Variants in TAFA1 observed in about 807,000 individuals in gnomAD.
TAFA1 encodes the protein chemokine-like protein TAFA-1.
TAFA1 carries 4 observed loss-of-function variants against 18.5 expected under a neutral mutation model. The ratio of observed to expected loss-of-function variants is 0.22; its 90% CI spans 0.11 to 0.49. The LOEUF is 0.49. Among genes scored for constraint, TAFA1 ranks in the 20% least tolerant of loss-of-function variants. The probability of loss-of-function intolerance (pLI) is 0.98; values close to 1 mark genes in which losing one functional copy is unlikely to be tolerated. For synonymous variants in TAFA1, 56 were observed against 55.2 expected, an observed-to-expected ratio of 1.01 and a Z score of -0.06; for missense variants, 147 against 169.0, an observed-to-expected ratio of 0.87 and a Z score of 0.72.
At chr3:68,146,225 G>T (rs1345231604) in intron 2 of TAFA1, among the ~76,000 whole-genome samples, 1 of 152,218 alleles carries the variant, frequency 6.6e-6, no homozygotes, top group Non-Finnish European at 1.5e-5. Flanking sequence ...GTGGGTCTAA[G>T]ATGGGGGACC....
intron 2 of TAFA1, among the ~76,000 whole-genome samples, chr3:68,354,856 A>G (rs1008621675): frequency 5.3e-5 from 8 of 151,966 alleles, no homozygotes; most frequent in African/African-American, 1.9e-4. Flanking sequence ...GCCCTTTTAT[A>G]AGCCAGACAT....
intron 2 of TAFA1, among the ~76,000 whole-genome samples, chr3:68,133,228 A>G (rs2065564970): frequency 6.6e-6 from 1 of 151,910 alleles, no homozygotes; most frequent in South Asian, 2.1e-4. Flanking sequence ...TGGTCTATAT[A>G]TCTCTTTTGG....
chr3:68,195,091 A>G (rs1286312691), intron 2 of TAFA1, among the ~76,000 whole-genome samples: 1 of 151,554 alleles, frequency 6.6e-6, no homozygotes. Flanking sequence ...GGCTGAATGT[A>G]TGCTTGAAGA....
At chr3:68,110,967 C>G (rs748375610) in intron 2 of TAFA1, among the ~76,000 whole-genome samples, 45 of 152,154 alleles carry the variant, frequency 3.0e-4, no homozygotes, top group Non-Finnish European at 5.7e-4. Flanking sequence ...ACAAAGACTT[C>G]ATCACAGTAA....
chr3:68,097,111 A>AGAT (rs1290844741), intron 2 of TAFA1, among the ~76,000 whole-genome samples: 1 of 152,132 alleles, frequency 6.6e-6, no homozygotes, highest in African/African-American at 2.4e-5. Flanking sequence ...TTGTCACTGT[A>AGAT]GATGCATTTT....
chr3:68,491,548 G>T, intron 3 of TAFA1, among the ~76,000 whole-genome samples: 1 of 110,740 alleles, frequency 9.0e-6, no homozygotes, highest in Non-Finnish European at 1.7e-5. Flanking sequence ...TGTGGGGTGG[G>T]GGGAGGGGGG....
chr3:68,524,540 G>A (rs2073076167), intron 3 of TAFA1, among the ~76,000 whole-genome samples: 1 of 152,040 alleles, frequency 6.6e-6, no homozygotes, highest in South Asian at 2.1e-4. Context: ...AAATGAATTG[G>A]CATTATTAAA....
At chr3:68,286,994 T>C (rs9841363) in intron 2 of TAFA1, among the ~76,000 whole-genome samples, 121,393 of 152,174 alleles carry the variant, frequency 0.8, 48,722 homozygotes, top group East Asian at 0.87. Flanking sequence ...ACAGCAGTTG[T>C]GGGGCCCCCG....
rs181812507 is a variant in TAFA1 at position 68,536,214 on chromosome 3, C to T, written c.260-2542C>T. ...AAGTAAGAAAAGCATAGAAGGAAAGCCTAAGGGCAGAGAGATGTCTGGATG... is the reference window on the plus strand; with the variant it reads ...AAGTAAGAAAAGCATAGAAGGAAAGTCTAAGGGCAGAGAGATGTCTGGATG... On this transcript the variant is annotated intron_variant, in intron 3 of 4. Transcript: ENST00000478136. Among the ~76,000 whole-genome samples, 4 of 152,272 alleles carry T rather than the reference C, an allele frequency of 2.6e-5. No individual in the cohort carries two copies. The East Asian group carries it at 7.7e-4, about 29-fold the overall frequency.
chr3:68,530,889 C>T (rs572657049), intron 3 of TAFA1, among the ~76,000 whole-genome samples: 7 of 151,858 alleles, frequency 4.6e-5, no homozygotes, highest in East Asian at 3.9e-4. Context: ...AATTTATTTT[C>T]GATAGTAATA....
intron 2 of TAFA1, among the ~76,000 whole-genome samples, chr3:68,268,522 A>G (rs2067592631): frequency 6.6e-6 from 1 of 152,110 alleles, no homozygotes; most frequent in African/African-American, 2.4e-5. Flanking sequence ...GGGTATTATC[A>G]TCATTTTTTC....
intron 3 of TAFA1, among the ~76,000 whole-genome samples, chr3:68,482,167 T>C (rs927822077): frequency 6.6e-6 from 1 of 152,046 alleles, no homozygotes; most frequent in African/African-American, 2.4e-5. Context: ...CCTGCCACCA[T>C]GCCTGGCTAA....
chr3:68,528,674 A>G (rs1272864430), intron 3 of TAFA1, among the ~76,000 whole-genome samples: 1 of 152,212 alleles, frequency 6.6e-6, no homozygotes, highest in Non-Finnish European at 1.5e-5. Context: ...GCACAAAAGT[A>G]AGTCTGGAGA....
chr3:68,442,794 A>T (rs1358680481), intron 3 of TAFA1, among the ~76,000 whole-genome samples: 2 of 152,190 alleles, frequency 1.3e-5, no homozygotes, highest in African/African-American at 4.8e-5. Flanking sequence ...GCAGAAAAGA[A>T]TAGATTAAAT....
chr3:68,030,994 C>T (rs1704923398), intron 2 of TAFA1, among the ~76,000 whole-genome samples: 1 of 151,958 alleles, frequency 6.6e-6, no homozygotes, highest in South Asian at 2.1e-4. Flanking sequence ...ATTGTACCAA[C>T]AAAAAAGAAA....
At chr3:68,477,507 G>A (rs748211452) in intron 3 of TAFA1, among the ~76,000 whole-genome samples, 1 of 152,014 alleles carries the variant, frequency 6.6e-6, no homozygotes, top group Non-Finnish European at 1.5e-5. Context: ...CCCAAGTAGC[G>A]GGGATTATAG....
At chr3:68,367,839 G>C (rs17047609) in intron 2 of TAFA1, among the ~76,000 whole-genome samples, 17,293 of 152,038 alleles carry the variant, frequency 0.11, 1,208 homozygotes, top group East Asian at 0.23. Flanking sequence ...TAATAAGGCA[G>C]GTTCTAGGAA....
chr3:68,009,687 A>G (rs149156750), intron 2 of TAFA1, among the ~76,000 whole-genome samples: 8 of 152,340 alleles, frequency 5.3e-5, no homozygotes, highest in Admixed American at 1.3e-4. Flanking sequence ...ATAGCTGCAA[A>G]GATTAAAGTG....
chr3:68,294,934 G>A (rs1401899947), intron 2 of TAFA1, among the ~76,000 whole-genome samples: 1 of 152,156 alleles, frequency 6.6e-6, no homozygotes, highest in Admixed American at 6.6e-5. Context: ...CATGTGTACA[G>A]TAGCCACAAA....
Sources: gnomAD v4.1 joint callset for allele counts (sites outside exome capture counted in the v4.1 genomes callset) on GRCh38, gnomAD v4.1.1 for gene constraint, MANE v1.5 for transcripts, NCBI Gene and HGNC (gene_info 2026-07-23, HGNC 2026-07-21) for gene names.